LIN28B: variants seen among roughly 807,000 people sequenced by gnomAD.
The protein encoded by LIN28B is protein lin-28 homolog B.
In LIN28B, 5 loss-of-function variants were observed where a neutral mutation model predicts 21.9. That is an observed-to-expected ratio of 0.23 (90% CI 0.12 to 0.48). The LOEUF (loss-of-function observed/expected upper bound fraction) is 0.48, where lower values mean the gene tolerates loss of function less well. Ranked by LOEUF, LIN28B falls within the 20% of genes least tolerant of loss-of-function variation. The pLI, the probability that LIN28B is intolerant of heterozygous loss-of-function variation, is 0.98. For synonymous variants in LIN28B, 109 were observed against 111.3 expected (o/e 0.98, Z 0.13); for missense variants, 245 against 310.5 (o/e 0.79, Z 1.58).
Position 105,078,630 on chromosome 6 carries a change from C to G in LIN28B, c.600C>G (p.Gly200=), listed in dbSNP as rs755392312. Reference sequence around the variant, plus strand: ...CTCGAGAAGTGGGAGGCGGGCATGGCTGTACATCACCACCGTTTCCTCAGG... The same window carrying G: ...CTCGAGAAGTGGGAGGCGGGCATGGGTGTACATCACCACCGTTTCCTCAGG... ...TLPREVGGGH[G]CTSPPFPQEA... The change falls in exon 4 of 4, where the codon GGC becomes GGG. Residue 200 remains glycine, a synonymous_variant. Transcript: ENST00000345080. 1.2e-6 allele frequency: 2 copies of G among 1,614,028 alleles called. No individual in the cohort carries two copies. Among genetic ancestry groups the G allele is most frequent in the Non-Finnish European group, 1.7e-6 (2 of 1,180,032 alleles).
At chr6:105,071,499 T>C (rs1772332464) in intron 3 of LIN28B, among the ~76,000 whole-genome samples, 3 of 152,220 alleles carry the variant, frequency 2.0e-5, no homozygotes, top group Admixed American at 6.5e-5. Flanking sequence ...TTTCTAACTT[T>C]TTACCAGTAT....
intron 3 of LIN28B, among the ~76,000 whole-genome samples, chr6:105,075,845 C>T (rs1347100493): frequency 1.3e-5 from 2 of 152,124 alleles, no homozygotes; most frequent in African/African-American, 4.8e-5. Flanking sequence ...AGAGCCAGCC[C>T]TATTACTGAA....
chr6:104,957,404 G>A (rs1778306620), intron 1 of LIN28B, 144 bp downstream of exon 1: 1 of 559,240 alleles, frequency 1.8e-6, no homozygotes, highest in South Asian at 2.1e-5. Context: ...CCATCACGCA[G>A]TGGGGCTTTC....
At chr6:104,966,585 T>C (rs1229209858) in intron 2 of LIN28B, among the ~76,000 whole-genome samples, 5 of 150,370 alleles carry the variant, frequency 3.3e-5, no homozygotes, top group Non-Finnish European at 7.4e-5. Flanking sequence ...TCTGAGATGC[T>C]GGGATTCTAG....
At chr6:105,011,566 G>T (rs942844018) in intron 2 of LIN28B, among the ~76,000 whole-genome samples, 2 of 152,174 alleles carry the variant, frequency 1.3e-5, no homozygotes, top group Non-Finnish European at 2.9e-5. Flanking sequence ...CACCCTGTGG[G>T]AATTGAAGCA....
intron 2 of LIN28B, among the ~76,000 whole-genome samples, chr6:104,994,233 T>G (rs569772723): frequency 6.6e-6 from 1 of 152,206 alleles, no homozygotes; most frequent in South Asian, 2.1e-4. Flanking sequence ...CTCGATCTCC[T>G]GACCTCGTGA....
At position 105,010,968 on chromosome 6, in the gene LIN28B, A is replaced by AT. The variant is rs1291938827; in HGVS notation, c.199-15324dup. ...AAATAAATGGAATTACAGTATACTCATTTTTTATAAAGCTGTTTTTACTTG... is the reference window on the plus strand; with the variant it reads ...AAATAAATGGAATTACAGTATACTCATTTTTTTATAAAGCTGTTTTTACTTG... On this transcript the variant is annotated intron_variant, in intron 2 of 3. Coordinates refer to ENST00000345080, the MANE Select transcript of LIN28B (RefSeq NM_001004317.4). Among the ~76,000 whole-genome samples the AT allele has an allele frequency of 3.9e-5, 6 of 152,260 alleles. No individual in the cohort carries two copies. In the East Asian group the frequency reaches 1.2e-3, roughly 29 times the overall value.
At chr6:105,066,288 G>A (rs1052872779) in intron 3 of LIN28B, among the ~76,000 whole-genome samples, 1 of 152,190 alleles carries the variant, frequency 6.6e-6, no homozygotes, top group South Asian at 2.1e-4. Flanking sequence ...TTCTGTCTTC[G>A]TAAAAACTCA....
intron 2 of LIN28B, among the ~76,000 whole-genome samples, chr6:104,946,699 G>C (rs1006240878): frequency 2.4e-4 from 37 of 152,042 alleles, no homozygotes; most frequent in African/African-American, 8.7e-4. Context: ...GTTTTCTCTT[G>C]CTAGGAAAGA....
chr6:105,030,554 C>A (rs1771398717), intron 3 of LIN28B, among the ~76,000 whole-genome samples: 1 of 148,524 alleles, frequency 6.7e-6, no homozygotes. Flanking sequence ...TATTGTATTT[C>A]AAAGAACAGG....
intron 2 of LIN28B, among the ~76,000 whole-genome samples, chr6:104,992,872 AT>A (rs1770524668): frequency 6.6e-6 from 1 of 151,776 alleles, no homozygotes; most frequent in Admixed American, 6.6e-5. Context: ...TTTTCTCAAA[AT>A]TTTTTTTAGT....
At chr6:104,984,482 G>T (rs1256354856) in intron 2 of LIN28B, among the ~76,000 whole-genome samples, 1 of 151,602 alleles carries the variant, frequency 6.6e-6, no homozygotes, top group Non-Finnish European at 1.5e-5. Flanking sequence ...TTGAGACAGG[G>T]TCTCACTGTG....
At chr6:104,949,140 C>G (rs1778190643) in intron 2 of LIN28B, among the ~76,000 whole-genome samples, 1 of 151,808 alleles carries the variant, frequency 6.6e-6, no homozygotes, top group Non-Finnish European at 1.5e-5. Context: ...TAAGAATAGG[C>G]TGTGGACTAT....
chr6:104,997,551 C>G (rs893891945), intron 2 of LIN28B, among the ~76,000 whole-genome samples: 5 of 151,654 alleles, frequency 3.3e-5, no homozygotes, highest in African/African-American at 1.2e-4. Flanking sequence ...CCGCCCCCCC[C>G]CGCCACACAC....
rs547927738 is a variant in LIN28B at position 105,050,349 on chromosome 6, TC to T, written c.383+23870del. On this transcript the variant is annotated intron_variant, in intron 3 of 3. Transcript: ENST00000345080. ...TGGGCGCGGTGGCTCACGCCTGTAA[TC>T]CCAGCACTTTGGGAGGCCGAGGCGG... 1.2e-3 allele frequency among the ~76,000 whole-genome samples: 190 copies of T among 152,228 alleles called. 2 individuals are homozygous for T. The highest frequency in any genetic ancestry group is 4.5e-3 in the African/African-American group (185 of 41,566).
intron 2 of LIN28B, among the ~76,000 whole-genome samples, chr6:104,979,346 T>G (rs1323804481): frequency 6.6e-6 from 1 of 151,986 alleles, no homozygotes; most frequent in South Asian, 2.1e-4. Context: ...AGTAGCTGAT[T>G]ACAGGTGTGC....
In LIN28B at chr6:104,967,628, C is replaced by T. The variant is rs897271552; in HGVS notation, c.198+9342C>T. ...AGAAAGAAATTTATTGAATTTCTGTCCCAACTCAGTTTTTGTATAAACATT... is the reference window on the plus strand; with the variant it reads ...AGAAAGAAATTTATTGAATTTCTGTTCCAACTCAGTTTTTGTATAAACATT... On this transcript the variant is annotated intron_variant, in intron 2 of 3. Transcript: ENST00000345080. Among the ~76,000 whole-genome samples the T allele has an allele frequency of 4.0e-5, 6 of 148,752 alleles. No individual in the cohort carries two copies. In the South Asian group the frequency reaches 1.3e-3, roughly 32 times the overall value.
chr6:104,993,183 C>T (rs1770529792), intron 2 of LIN28B, among the ~76,000 whole-genome samples: 1 of 151,980 alleles, frequency 6.6e-6, no homozygotes, highest in African/African-American at 2.4e-5. Context: ...ACTAGTTTTG[C>T]TGTTGGGGCC....
At chr6:105,013,679 C>T (rs974830439) in intron 2 of LIN28B, among the ~76,000 whole-genome samples, 1 of 149,648 alleles carries the variant, frequency 6.7e-6, no homozygotes, top group Non-Finnish European at 1.5e-5. Context: ...GCTGTGGTCA[C>T]ACCACTGCAC....
Sources: allele counts gnomAD v4.1 joint callset (sites outside exome capture counted in the v4.1 genomes callset), GRCh38; gene constraint gnomAD v4.1.1; transcripts MANE v1.5; gene names NCBI Gene and HGNC (gene_info 2026-07-23, HGNC 2026-07-21).